The following ADTRP variants were observed in gnomAD, a reference collection of about 807,000 sequenced individuals.
The protein encoded by ADTRP is androgen-dependent TFPI-regulating protein.
In ADTRP, 20 loss-of-function variants were observed where a neutral mutation model predicts 27.0. That is an observed-to-expected ratio of 0.74 (90% CI 0.52 to 1.08). The LOEUF (loss-of-function observed/expected upper bound fraction) is 1.08, where lower values mean the gene tolerates loss of function less well. Among genes scored for constraint, ADTRP ranks in the 50% least tolerant of loss-of-function variants. The pLI, the probability that ADTRP is intolerant of heterozygous loss-of-function variation, is 0.00. For missense variants in ADTRP, 251 were observed against 275.0 expected, an observed-to-expected ratio of 0.91 and a Z score of 0.62; for synonymous variants, 101 against 105.2, an observed-to-expected ratio of 0.96 and a Z score of 0.25.
At position 11,758,580 on chromosome 6, in the gene ADTRP, G is replaced by GC. The variant is rs562533105; in HGVS notation, c.390+7693_390+7694insG. Among the ~76,000 whole-genome samples the GC allele has an allele frequency of 5.1e-5, 6 of 118,642 alleles. 1 individual carries two copies. The South Asian group carries it at 1.2e-3, about 23-fold the overall frequency. 77.8% of individuals were successfully genotyped at this position (118,642 alleles called of 152,430 possible). On this transcript the variant is annotated intron_variant, in intron 3 of 5. Coordinates refer to ENST00000414691, the MANE Select transcript of ADTRP (RefSeq NM_032744.4). ...CACCGGGGACTGTTGTGGGGTGGGG[G>GC]GGGGGGACGGATAGCATTAGGAGGT... is the stretch of plus-strand genomic sequence containing the variant.
chr6:11,774,458 G>A (rs188155776), intron 1 of ADTRP, among the ~76,000 whole-genome samples: 283 of 152,192 alleles, frequency 1.9e-3, no homozygotes, highest in African/African-American at 6.3e-3. Flanking sequence ...ACCCATAGAG[G>A]CCTCCCAGCT....
At chr6:11,756,476 A>G (rs1289614832) in intron 3 of ADTRP, among the ~76,000 whole-genome samples, 1 of 152,230 alleles carries the variant, frequency 6.6e-6, no homozygotes, top group African/African-American at 2.4e-5. Context: ...GTCATTTAAA[A>G]AATGCATTGA....
At chr6:11,765,323 GT>G (rs34943978) in intron 3 of ADTRP, among the ~76,000 whole-genome samples, 16,179 of 117,892 alleles carry the variant, frequency 0.14, 920 homozygotes, top group African/African-American at 0.2. Context: ...CCCCTGGTTT[GT>G]TTTTTTTTTT....
At chr6:11,716,021 T>C (rs951772364) in intron 5 of ADTRP, among the ~76,000 whole-genome samples, 1 of 151,978 alleles carries the variant, frequency 6.6e-6, no homozygotes, top group Non-Finnish European at 1.5e-5. Context: ...TTAGGGCTTC[T>C]CTACATTAGG....
At chr6:11,768,700 G>A (rs947001946) in intron 1 of ADTRP, among the ~76,000 whole-genome samples, 13 of 152,104 alleles carry the variant, frequency 8.5e-5, no homozygotes, top group African/African-American at 2.9e-4. Context: ...ATACCTTGAC[G>A]GCACAGAGGT....
intron 4 of ADTRP, among the ~76,000 whole-genome samples, chr6:11,726,491 G>A (rs1331189177): frequency 6.6e-6 from 1 of 152,112 alleles, no homozygotes; most frequent in Non-Finnish European, 1.5e-5. Flanking sequence ...CTTTTCACAC[G>A]TGTCCATTTC....
chr6:11,736,278 T>A (rs1762549962), intron 3 of ADTRP: 1 of 153,266 alleles, frequency 6.5e-6, no homozygotes, highest in Admixed American at 6.5e-5. Flanking sequence ...CATTCACACA[T>A]TCATGCACAA....
intron 2 of ADTRP, among the ~76,000 whole-genome samples, 181 bp downstream of exon 2, chr6:11,768,068 C>A (rs1022885557): frequency 6.6e-6 from 1 of 152,184 alleles, no homozygotes; most frequent in African/African-American, 2.4e-5. Context: ...AAGCTGATCA[C>A]TAATGTGCCA....
At chr6:11,735,222 T>C (rs1284349946) in intron 4 of ADTRP, among the ~76,000 whole-genome samples, 1 of 152,278 alleles carries the variant, frequency 6.6e-6, no homozygotes, top group Admixed American at 6.5e-5. Context: ...ATGCCTCAGA[T>C]CCCTCAGCCA....
Position 11,714,382 on chromosome 6 carries a change from T to A in ADTRP, c.*96A>T. The stretch of plus-strand genomic sequence containing the variant: ...TCTCTGTCCCTCCTACTTTGCTATG[T>A]TCCTCCACCACCTCCCTCCACCAGA... On this transcript the variant is annotated 3_prime_UTR_variant, in exon 6 of 6. Transcript: ENST00000414691. 1 of 1,426,852 alleles carries A rather than the reference T, an allele frequency of 7.0e-7. No homozygotes were observed. The highest frequency in any genetic ancestry group is 9.7e-7 in the Non-Finnish European group (1 of 1,035,402). The allele number at this position is 1,426,852 out of a possible 1,614,324, so 88.4% of individuals were successfully genotyped here. A position where few individuals can be genotyped will look rare whatever the true frequency, so the allele number is the denominator to read the frequency against.
At chr6:11,755,916 C>T (rs915132170) in intron 3 of ADTRP, among the ~76,000 whole-genome samples, 1 of 152,154 alleles carries the variant, frequency 6.6e-6, no homozygotes, top group South Asian at 2.1e-4. Context: ...CCTTGGGATG[C>T]CATGGAGACA....
At chr6:11,725,505 T>A (rs1272372022) in intron 4 of ADTRP, among the ~76,000 whole-genome samples, 1 of 152,244 alleles carries the variant, frequency 6.6e-6, no homozygotes, top group African/African-American at 2.4e-5. Context: ...GGATGGATAC[T>A]ATATTTTTTT....
chr6:11,720,293 G>A (rs947422158), intron 5 of ADTRP, among the ~76,000 whole-genome samples: 1 of 152,120 alleles, frequency 6.6e-6, no homozygotes, highest in Admixed American at 6.5e-5. Context: ...CCAGTCAACT[G>A]AGTGCCCAAG....
chr6:11,722,282 T>A (rs937513664), intron 5 of ADTRP, among the ~76,000 whole-genome samples: 1 of 152,178 alleles, frequency 6.6e-6, no homozygotes, highest in African/African-American at 2.4e-5. Flanking sequence ...GTAGAAAACA[T>A]GTGATACATC....
Position 11,735,617 on chromosome 6 carries a change from T to C in ADTRP, c.457A>G (p.Lys153Glu), listed in dbSNP as rs761793000. 3 of 1,614,002 alleles carry C rather than the reference T, an allele frequency of 1.9e-6. No homozygotes were observed. The East Asian group carries it at 6.7e-5, about 36-fold the overall frequency. Residue 153 changes from lysine to glutamate, a missense_variant, in exon 4 of 6, where the codon AAG (lysine) becomes GAG (glutamate). Lys to Glu is a moderately conservative substitution (Grantham distance 56). Transcript: ENST00000414691. ...VLRPHSYPSK[K>E]TGLTLLAAAS... is the part of the protein sequence containing the mutation. Reference sequence around the variant, plus strand: ...GCAGCCAGCAAGGTGAGTCCTGTCTTCTTTGATGGATAGGAGTGAGGCCTG... The same window carrying C: ...GCAGCCAGCAAGGTGAGTCCTGTCTCCTTTGATGGATAGGAGTGAGGCCTG...
intron 3 of ADTRP, among the ~76,000 whole-genome samples, chr6:11,746,082 G>C (rs1006257607): frequency 1.3e-5 from 2 of 152,108 alleles, no homozygotes; most frequent in Non-Finnish European, 2.9e-5. Context: ...GAGCCACCCC[G>C]CCCGTCCATG....
intron 4 of ADTRP, among the ~76,000 whole-genome samples, chr6:11,726,348 G>C (rs1255883227): frequency 1.3e-5 from 2 of 152,114 alleles, no homozygotes; most frequent in African/African-American, 4.8e-5. Context: ...GAGCCTAGTG[G>C]GAGGTGTTCG....
intron 3 of ADTRP, among the ~76,000 whole-genome samples, chr6:11,765,257 G>A (rs1384726591): frequency 6.6e-6 from 1 of 150,682 alleles, no homozygotes; most frequent in East Asian, 2.0e-4. Context: ...GAGGGTGGAA[G>A]AAAGTCTGTG....
At chr6:11,749,016 G>T (rs1224294430) in intron 3 of ADTRP, among the ~76,000 whole-genome samples, 1 of 152,246 alleles carries the variant, frequency 6.6e-6, no homozygotes, top group Non-Finnish European at 1.5e-5. Flanking sequence ...TTTTGCCATG[G>T]TCTGTAGAGG....
Sources: gnomAD v4.1 joint callset for allele counts (sites outside exome capture counted in the v4.1 genomes callset) on GRCh38, gnomAD v4.1.1 for gene constraint, MANE v1.5 for transcripts, NCBI Gene and HGNC (gene_info 2026-07-23, HGNC 2026-07-21) for gene names.